The following KCNIP4 variants were observed in gnomAD, a reference collection of about 807,000 sequenced individuals.
KCNIP4 encodes Kv channel-interacting protein 4.
A neutral mutation model predicts 34.0 loss-of-function variants in KCNIP4; 12 were observed. That is an observed-to-expected ratio of 0.35 (90% CI 0.23 to 0.57). The LOEUF (loss-of-function observed/expected upper bound fraction) is 0.57, where lower values mean the gene tolerates loss of function less well. KCNIP4 is among the 20% of genes least tolerant of loss of function. KCNIP4 has a pLI of 0.83. For missense variants in KCNIP4, 238 were observed against 311.7 expected (o/e 0.76, Z 1.78); for synonymous variants, 124 against 102.2 (o/e 1.21, Z -1.29).
chr4:21,140,135 C>A (rs1302668459), intron 1 of KCNIP4, among the ~76,000 whole-genome samples: 2 of 152,070 alleles, frequency 1.3e-5, no homozygotes, highest in Non-Finnish European at 2.9e-5. Context: ...AAAAAATAGT[C>A]TTTTATTTAT....
At chr4:21,697,489 T>C (rs772765580) in intron 1 of KCNIP4, 1 of 1,501,122 alleles carries the variant, frequency 6.7e-7, no homozygotes, top group Non-Finnish European at 8.8e-7. Context: ...TTGCCAATAA[T>C]AATAATAATA....
rs1403225886 is a variant in KCNIP4, at chr4:20,932,176, G to A, written c.62-49467C>T. The stretch of plus-strand genomic sequence containing the variant: ...CAGTCTAATATTGTAGACTATAATA[G>A]TCTATAAGAGTCTAATATTGTAGAC... On this transcript the variant is annotated intron_variant, in intron 1 of 8. Transcript: ENST00000382152. Among the ~76,000 whole-genome samples, 2 of 78,668 alleles carry A rather than the reference G, an allele frequency of 2.5e-5. 1 individual carries two copies. Among genetic ancestry groups the A allele is most frequent in the Non-Finnish European group, 4.5e-5 (2 of 44,168 alleles). The allele number at this position is 78,668 out of a possible 152,430, so 51.6% of individuals were successfully genotyped here.
intron 1 of KCNIP4, among the ~76,000 whole-genome samples, chr4:21,581,487 G>C (rs1445563380): frequency 2.0e-5 from 3 of 151,880 alleles, no homozygotes; most frequent in African/African-American, 7.2e-5. Context: ...ATGCAAATCT[G>C]GGTTTTAATT....
chr4:21,035,703 T>C (rs559351501), intron 1 of KCNIP4, among the ~76,000 whole-genome samples: 1 of 152,306 alleles, frequency 6.6e-6, no homozygotes, highest in East Asian at 1.9e-4. Context: ...ACGATTGTAG[T>C]GGGTACTGTT....
rs149213832 is a variant in KCNIP4, at chr4:21,351,123, G to A, written c.62-468414C>T. Among the ~76,000 whole-genome samples the A allele has an allele frequency of 2.5e-3, 385 of 152,226 alleles. 1 individual carries two copies. The highest frequency in any genetic ancestry group is 8.9e-3 in the African/African-American group (370 of 41,532). ...GGCTGAAATGACAGGCATAAATGAA[G>A]AGCCTTCTGGTAAATTAAAATGTAG... On this transcript the variant is annotated intron_variant, in intron 1 of 8. Coordinates refer to ENST00000382152, the MANE Select transcript of KCNIP4 (RefSeq NM_025221.6).
intron 1 of KCNIP4, among the ~76,000 whole-genome samples, chr4:21,859,670 A>G (rs569701979): frequency 6.6e-6 from 1 of 152,100 alleles, no homozygotes; most frequent in South Asian, 2.1e-4. Context: ...CTAAAGAATC[A>G]TGTCAAATGG....
rs551219637 is a variant in KCNIP4 at position 20,755,680 on chromosome 4, T to G, written c.358+3141A>C. Among the ~76,000 whole-genome samples, 66 of 152,264 alleles carry G rather than the reference T, an allele frequency of 4.3e-4. 3 individuals are homozygous for G. In the South Asian group the frequency reaches 0.014, roughly 32 times the overall value. The stretch of plus-strand genomic sequence containing the variant: ...GCAGGGGAAGGGGATGGGGAATGTT[T>G]AAGGTGTTGCAATTTAAGATAGAGT... On this transcript the variant is annotated intron_variant, in intron 4 of 8. Coordinates refer to ENST00000382152, the MANE Select transcript of KCNIP4 (RefSeq NM_025221.6).
At chr4:21,853,077 C>T (rs1427059071) in intron 1 of KCNIP4, 2 of 152,110 alleles carry the variant, frequency 1.3e-5, no homozygotes, top group Admixed American at 6.6e-5. Context: ...GACCAGGTTT[C>T]TTTGTACTCT....
At chr4:21,778,792 A>T (rs1330857702) in intron 1 of KCNIP4, among the ~76,000 whole-genome samples, 2 of 152,062 alleles carry the variant, frequency 1.3e-5, no homozygotes, top group Admixed American at 1.3e-4. Flanking sequence ...ACATCAACTA[A>T]ATTTACTGAG....
intron 1 of KCNIP4, among the ~76,000 whole-genome samples, chr4:21,216,386 C>T (rs1560181573): frequency 2.0e-5 from 3 of 152,192 alleles, no homozygotes; most frequent in Non-Finnish European, 1.5e-5. Flanking sequence ...ATTTCCTAAA[C>T]ACTAACTATA....
At chr4:21,343,415 C>G (rs1716956646) in intron 1 of KCNIP4, among the ~76,000 whole-genome samples, 1 of 152,100 alleles carries the variant, frequency 6.6e-6, no homozygotes, top group Non-Finnish European at 1.5e-5. Context: ...TGTACTATGT[C>G]AACCTCTACC....
At chr4:21,104,898 T>G (rs1309801125) in intron 1 of KCNIP4, among the ~76,000 whole-genome samples, 1 of 151,606 alleles carries the variant, frequency 6.6e-6, no homozygotes, top group Non-Finnish European at 1.5e-5. Flanking sequence ...AAAGATCAGA[T>G]GGTTGTAGAT....
At chr4:21,037,871 T>C (rs972511833) in intron 1 of KCNIP4, among the ~76,000 whole-genome samples, 3 of 152,234 alleles carry the variant, frequency 2.0e-5, no homozygotes, top group African/African-American at 7.2e-5. Context: ...TGTCAGCATT[T>C]AGCTTGATCT....
chr4:20,850,850 T>G (rs1395436227), intron 2 of KCNIP4, 183 bp from the exon 3 acceptor site: 2 of 508,762 alleles, frequency 3.9e-6, no homozygotes, highest in Non-Finnish European at 6.4e-6. Context: ...GCTAAAACAC[T>G]TGTATATGAT....
At chr4:21,660,353 T>C (rs1748342837) in intron 1 of KCNIP4, among the ~76,000 whole-genome samples, 1 of 152,178 alleles carries the variant, frequency 6.6e-6, no homozygotes, top group South Asian at 2.1e-4. Flanking sequence ...CACTATGATT[T>C]TTCTGTATAC....
chr4:20,813,914 G>T (rs1163836250), intron 3 of KCNIP4, among the ~76,000 whole-genome samples: 1 of 152,140 alleles, frequency 6.6e-6, no homozygotes, highest in East Asian at 1.9e-4. Flanking sequence ...TATTTAGCTG[G>T]TCCAGCAAGT....
At chr4:21,869,188 T>C in intron 1 of KCNIP4, among the ~76,000 whole-genome samples, 1 of 152,066 alleles carries the variant, frequency 6.6e-6, no homozygotes, top group East Asian at 1.9e-4. Context: ...GCCTCGATTT[T>C]CTTATCATTT....
At chr4:20,913,883 C>A (rs372475031) in intron 1 of KCNIP4, among the ~76,000 whole-genome samples, 1 of 151,894 alleles carries the variant, frequency 6.6e-6, no homozygotes, top group South Asian at 2.1e-4. Context: ...TGGCCAGGCG[C>A]GGTGGCTCAT....
At chr4:21,238,795 T>C (rs1257395956) in intron 1 of KCNIP4, among the ~76,000 whole-genome samples, 4 of 152,100 alleles carry the variant, frequency 2.6e-5, no homozygotes, top group African/African-American at 4.8e-5. Flanking sequence ...TGAAAATGGC[T>C]ATACTGCCCA....
Sources: allele counts gnomAD v4.1 joint callset (sites outside exome capture counted in the v4.1 genomes callset), GRCh38; gene constraint gnomAD v4.1.1; transcripts MANE v1.5; gene names NCBI Gene and HGNC (gene_info 2026-07-23, HGNC 2026-07-21).